Variants in LRRC4C observed in about 807,000 individuals in gnomAD.
The protein encoded by LRRC4C is leucine-rich repeat-containing protein 4C.
Under a neutral mutation model 33.6 loss-of-function variants are expected in LRRC4C, and 5 were observed. The ratio of observed to expected loss-of-function variants is 0.15; its 90% CI spans 0.08 to 0.31. The LOEUF (loss-of-function observed/expected upper bound fraction) is 0.31, where lower values mean the gene tolerates loss of function less well. LRRC4C is among the 10% of genes least tolerant of loss of function. LRRC4C has a pLI of 1.00. For missense variants in LRRC4C, 560 were observed against 796.7 expected, an observed-to-expected ratio of 0.70 and a Z score of 3.58; for synonymous variants, 329 against 302.0, an observed-to-expected ratio of 1.09 and a Z score of -0.93.
At chr11:40,235,926 C>T (rs1464535606) in intron 5 of LRRC4C, among the ~76,000 whole-genome samples, 2 of 152,054 alleles carry the variant, frequency 1.3e-5, no homozygotes, top group Non-Finnish European at 2.9e-5. Context: ...TGCTTTGCTG[C>T]TTTATATGGC....
intron 1 of LRRC4C, among the ~76,000 whole-genome samples, chr11:41,435,413 G>A (rs1442001466): frequency 6.6e-6 from 1 of 152,098 alleles, no homozygotes; most frequent in Non-Finnish European, 1.5e-5. Context: ...ACCCTAGAAG[G>A]TCTCATAATC....
At chr11:40,971,505 G>A (rs1173647630) in intron 1 of LRRC4C, among the ~76,000 whole-genome samples, 1 of 152,218 alleles carries the variant, frequency 6.6e-6, no homozygotes, top group Non-Finnish European at 1.5e-5. Context: ...ATATGGAAAA[G>A]CATGGATGTC....
intron 2 of LRRC4C, among the ~76,000 whole-genome samples, chr11:40,675,469 T>G (rs954696569): frequency 1.3e-5 from 2 of 152,148 alleles, no homozygotes; most frequent in Admixed American, 1.3e-4. Context: ...TGCTCACACT[T>G]TTCTTACACT....
At chr11:40,946,220 GA>G (rs1482090209) in intron 1 of LRRC4C, among the ~76,000 whole-genome samples, 2 of 152,040 alleles carry the variant, frequency 1.3e-5, no homozygotes, top group Non-Finnish European at 2.9e-5. Context: ...AATTTGCTTG[GA>G]ATAATGGCCT....
At chr11:40,625,210 C>T (rs2135976026) in intron 3 of LRRC4C, among the ~76,000 whole-genome samples, 1 of 152,250 alleles carries the variant, frequency 6.6e-6, no homozygotes, top group South Asian at 2.1e-4. Flanking sequence ...CACTGTTATA[C>T]TCTATTCAGT....
intron 5 of LRRC4C, among the ~76,000 whole-genome samples, chr11:40,163,043 C>A (rs1173077789): frequency 6.6e-6 from 1 of 152,136 alleles, no homozygotes; most frequent in Non-Finnish European, 1.5e-5. Context: ...AGGGCAGCAA[C>A]CATATTGCAC....
chr11:40,596,955 G>A lies in LRRC4C; in HGVS notation c.-270+51187C>T, dbSNP rs180894772. Among the ~76,000 whole-genome samples the A allele has an allele frequency of 1.4e-4, 21 of 152,190 alleles. 1 individual carries two copies. Among genetic ancestry groups the A allele is most frequent in the African/African-American group, 2.9e-4 (12 of 41,528 alleles). On this transcript the variant is annotated intron_variant, in intron 3 of 6. Coordinates refer to ENST00000528697, the MANE Select transcript of LRRC4C (RefSeq NM_001258419.2). The stretch of plus-strand genomic sequence containing the variant: ...TATTGATACACAAAAAAGATAGTCC[G>A]TATTCTTAACAAATAGAAATGTGAT...
At chr11:40,612,036 G>C (rs1198405768) in intron 3 of LRRC4C, among the ~76,000 whole-genome samples, 2 of 151,598 alleles carry the variant, frequency 1.3e-5, no homozygotes, top group East Asian at 1.9e-4. Flanking sequence ...TCCCATTTCT[G>C]AGTATTTCTA....
Position 40,774,698 on chromosome 11 carries a change from A to G in LRRC4C, c.-406-126420T>C, listed in dbSNP as rs143192488. On this transcript the variant is annotated intron_variant, in intron 2 of 6. Transcript: ENST00000528697. ...CTGAGCAGAATAAAATATAAAATAT[A>G]CTCAACTTTATATTGGAAAAAAATT... is the stretch of plus-strand genomic sequence containing the variant. Among the ~76,000 whole-genome samples the G allele has an allele frequency of 4.0e-3, 614 of 152,310 alleles. 5 individuals are homozygous for G. The highest frequency in any genetic ancestry group is 0.014 in the African/African-American group (591 of 41,574).
chr11:40,313,807 A>G (rs10837380), intron 4 of LRRC4C, among the ~76,000 whole-genome samples: 148,031 of 151,586 alleles, frequency 0.98, 72,403 homozygotes, highest in Non-Finnish European at 1. Context: ...GTAGAGACGA[A>G]GTTTCATCCT....
chr11:40,860,794 T>C (rs1227167144), intron 2 of LRRC4C, among the ~76,000 whole-genome samples: 2 of 138,714 alleles, frequency 1.4e-5, no homozygotes, highest in African/African-American at 5.5e-5. Context: ...TTTTTTTTTT[T>C]TTTTTTTTTT....
intron 1 of LRRC4C, among the ~76,000 whole-genome samples, chr11:41,232,460 G>T (rs1292832076): frequency 6.6e-6 from 1 of 151,878 alleles, no homozygotes; most frequent in Non-Finnish European, 1.5e-5. Flanking sequence ...ACGTTCCCTG[G>T]GTAAGGGTGG....
chr11:40,636,992 A>C (rs1416053490), intron 3 of LRRC4C, among the ~76,000 whole-genome samples: 1 of 152,118 alleles, frequency 6.6e-6, no homozygotes, highest in East Asian at 1.9e-4. Context: ...TGGTAGGAGG[A>C]TCATTCCCCC....
At chr11:40,545,438 A>C (rs12272654) in intron 3 of LRRC4C, among the ~76,000 whole-genome samples, 16,225 of 151,998 alleles carry the variant, frequency 0.11, 1,848 homozygotes, top group African/African-American at 0.29. Context: ...TTATAAAAAT[A>C]TAATACATTT....
chr11:40,226,803 G>A (rs1019223318), intron 5 of LRRC4C, among the ~76,000 whole-genome samples: 5 of 152,168 alleles, frequency 3.3e-5, no homozygotes, highest in East Asian at 1.9e-4. Context: ...AGTTTATATC[G>A]CATATATACA....
At chr11:40,358,859 C>CATTTATTT (rs541421433) in intron 3 of LRRC4C, among the ~76,000 whole-genome samples, 2 of 151,914 alleles carry the variant, frequency 1.3e-5, no homozygotes. Context: ...TTCATTCATT[C>CATTTATTT]ATTTATTTAT....
At chr11:41,280,493 G>A (rs963477026) in intron 1 of LRRC4C, among the ~76,000 whole-genome samples, 2 of 152,162 alleles carry the variant, frequency 1.3e-5, no homozygotes, top group African/African-American at 4.8e-5. Context: ...TTATAACAGA[G>A]GCTGTGCTCA....
chr11:40,360,112 A>G (rs1012083839), intron 3 of LRRC4C, among the ~76,000 whole-genome samples: 2 of 152,184 alleles, frequency 1.3e-5, no homozygotes, highest in Non-Finnish European at 2.9e-5. Flanking sequence ...TATGAAAAAA[A>G]ATCTTTTGCA....
intron 5 of LRRC4C, among the ~76,000 whole-genome samples, chr11:40,232,643 T>C (rs1258535350): frequency 1.3e-5 from 2 of 152,226 alleles, no homozygotes; most frequent in African/African-American, 4.8e-5. Context: ...ATTCATCAAC[T>C]GCAATTCTTC....
Sources: gnomAD v4.1 joint callset for allele counts (sites outside exome capture counted in the v4.1 genomes callset) on GRCh38, gnomAD v4.1.1 for gene constraint, MANE v1.5 for transcripts, NCBI Gene and HGNC (gene_info 2026-07-23, HGNC 2026-07-21) for gene names.